The following CNTFR variants were observed in gnomAD, a reference collection of about 807,000 sequenced individuals.
CNTFR encodes the protein ciliary neurotrophic factor receptor.
In CNTFR, 12 loss-of-function variants were observed where a neutral mutation model predicts 40.4. The observed-to-expected ratio is 0.30, with a 90% confidence interval of 0.19 to 0.48. The LOEUF (loss-of-function observed/expected upper bound fraction) is 0.48. Ranked by LOEUF, CNTFR falls within the 20% of genes least tolerant of loss-of-function variation. The pLI, the probability that CNTFR is intolerant of heterozygous loss-of-function variation, is 0.99. For synonymous variants in CNTFR, 202 were observed against 209.6 expected (o/e 0.96, Z 0.31); for missense variants, 414 against 506.8 (o/e 0.82, Z 1.76).
intron 2 of CNTFR, among the ~76,000 whole-genome samples, chr9:34,577,947 G>GGCGA (rs1214614598): frequency 2.0e-5 from 3 of 151,180 alleles, no homozygotes; most frequent in African/African-American, 7.3e-5. Flanking sequence ...CTGGCGGGCG[G>GGCGA]GCGAGCGCGG....
chr9:34,561,341 G>T (rs116741391), intron 4 of CNTFR, among the ~76,000 whole-genome samples: 2,096 of 152,330 alleles, frequency 0.014, 57 homozygotes, highest in African/African-American at 0.048. Flanking sequence ...TAAAAAACTG[G>T]AGAAGGAACT....
intron 2 of CNTFR, among the ~76,000 whole-genome samples, chr9:34,573,329 C>A (rs930167751): frequency 6.6e-6 from 1 of 152,180 alleles, no homozygotes; most frequent in African/African-American, 2.4e-5. Flanking sequence ...ATGAGCACCA[C>A]TAACTGCGTC....
intron 4 of CNTFR, among the ~76,000 whole-genome samples, chr9:34,561,710 G>A (rs1414894601): frequency 6.6e-6 from 1 of 152,180 alleles, no homozygotes; most frequent in Non-Finnish European, 1.5e-5. Flanking sequence ...CACAAATCAG[G>A]GGTAACTCTG....
Position 34,551,738 on chromosome 9 carries a change from A to C in CNTFR, c.*333T>G. On this transcript the variant is annotated 3_prime_UTR_variant, in exon 10 of 10. Transcript: ENST00000378980. ...ACAGGAGGCTGGGGCAGGAGGAGAA[A>C]TCGGATGTGAGAGGCTCCCCTCACG... 1.9e-6 allele frequency: 1 copy of C among 513,996 alleles called. No homozygotes were observed. The allele number at this position is 513,996 out of a possible 1,614,324, so 31.8% of individuals were successfully genotyped here. A position where few individuals can be genotyped will look rare whatever the true frequency, so the allele number is the denominator to read the frequency against.
intron 2 of CNTFR, among the ~76,000 whole-genome samples, chr9:34,574,077 G>T (rs1018363169): frequency 6.6e-6 from 1 of 151,922 alleles, no homozygotes; most frequent in Non-Finnish European, 1.5e-5. Flanking sequence ...GGCCTAGGCA[G>T]CCTGGACAGC....
At chr9:34,588,558 C>G (rs1827634651) in intron 1 of CNTFR, among the ~76,000 whole-genome samples, 1 of 152,204 alleles carries the variant, frequency 6.6e-6, no homozygotes, top group Non-Finnish European at 1.5e-5. Context: ...CAGACACACA[C>G]CCAATGTTGC....
In CNTFR at chr9:34,552,264, C is replaced by T. The variant is rs1260415459; in HGVS notation, c.1015G>A (p.Glu339Lys). The stretch of plus-strand genomic sequence containing the variant: ...GAGGGTCCCCCGCCGCTGCCCAGCT[C>T]CCCAGGGTCACAGATCTTCGTGGTA... ...PPTTKICDPG[E>K]LGSGGGPSAP... Residue 339 changes from glutamate (E) to lysine (K), a missense_variant, in exon 9 of 10, where the codon GAG becomes AAG. Glu to Lys is a moderately conservative substitution (Grantham distance 56, BLOSUM62 1). Around this residue, in one of 3 missense-constraint regions of CNTFR, gnomAD observed 81 missense variants for 92.2 expected, o/e 0.88. Transcript: ENST00000378980. This position sits in a 1 kb window ranked among gnomAD's most constrained non-coding sequence, Gnocchi z 5.1. 2 of 1,551,084 alleles carry T rather than the reference C, an allele frequency of 1.3e-6. No individual in the cohort carries two copies. The highest frequency in any genetic ancestry group is 2.4e-5 in the East Asian group (1 of 41,350).
At chr9:34,556,559 A>AGAATTGAC in intron 6 of CNTFR, 141 bp from the exon 7 acceptor site, 1 of 758,260 alleles carries the variant, frequency 1.3e-6, no homozygotes, top group Non-Finnish European at 2.1e-6. Flanking sequence ...CTCTGTTGTC[A>AGAATTGAC]ATTCTGATAA....
chr9:34,580,411 G>A (rs1272661695), intron 2 of CNTFR, among the ~76,000 whole-genome samples: 1 of 152,084 alleles, frequency 6.6e-6, no homozygotes, highest in Non-Finnish European at 1.5e-5. Flanking sequence ...GTCAGCCTGG[G>A]GTACCCCACT....
At chr9:34,573,609 C>T (rs1245335894) in intron 2 of CNTFR, among the ~76,000 whole-genome samples, 3 of 152,192 alleles carry the variant, frequency 2.0e-5, no homozygotes, top group African/African-American at 4.8e-5. Flanking sequence ...GAAGGGCATC[C>T]GGCCCAGCAC....
chr9:34,576,531 C>CTAGG, intron 2 of CNTFR, among the ~76,000 whole-genome samples: 1 of 152,316 alleles, frequency 6.6e-6, no homozygotes, highest in Non-Finnish European at 1.5e-5. Flanking sequence ...GACAGAAAGC[C>CTAGG]TAGGGATGCC....
upstream of CNTFR, chr9:34,589,825 C>T (rs1327571240): frequency 6.8e-6 from 1 of 147,828 alleles, no homozygotes; most frequent in African/African-American, 2.5e-5. This position sits in a 1 kb window ranked among gnomAD's most constrained non-coding sequence, Gnocchi z 4.4. Flanking sequence ...CGGGCGCCCG[C>T]TCGGCCGCGC....
At chr9:34,555,913 T>G (rs1026711868) in intron 7 of CNTFR, among the ~76,000 whole-genome samples, 1 of 23,616 alleles carries the variant, frequency 4.2e-5, no homozygotes, top group Admixed American at 5.3e-4. Context: ...GCCATCTCCC[T>G]CCCCTGCCAT....
In CNTFR at chr9:34,568,928, TGCG is replaced by T. The variant is rs370378077; in HGVS notation, c.51_53del (p.Ala18del). 2.5e-4 allele frequency: 392 copies of T among 1,598,798 alleles called. 1 individual carries two copies. In the African/African-American group the frequency reaches 4.4e-3, roughly 18 times the overall value. ...GACTGTGTCTCTGGGCGTAGACAACTGCGGCGGCGGCGGCAAGCACAGCACAGC... is the reference window on the plus strand; with the variant it reads ...GACTGTGTCTCTGGGCGTAGACAACTGCGGCGGCGGCAAGCACAGCACAGC... On this transcript the variant is annotated inframe_deletion, in exon 3 of 10. Coordinates refer to ENST00000378980, the MANE Select transcript of CNTFR (RefSeq NM_147164.3).
chr9:34,554,875 C>G (rs1352133658), intron 7 of CNTFR, among the ~76,000 whole-genome samples: 2 of 152,240 alleles, frequency 1.3e-5, no homozygotes, highest in Non-Finnish European at 2.9e-5. Context: ...ACCCCAGTGC[C>G]AGTGAGTCAC....
chr9:34,551,704 C>G lies in CNTFR; in HGVS notation c.*367G>C. On this transcript the variant is annotated 3_prime_UTR_variant, in exon 10 of 10. Coordinates refer to ENST00000378980, the MANE Select transcript of CNTFR (RefSeq NM_147164.3). ...TAATCTGATGGTGGCAACAGAGACCCTGGGATAGACAGGAGGCTGGGGCAG... is the reference window on the plus strand; with the variant it reads ...TAATCTGATGGTGGCAACAGAGACCGTGGGATAGACAGGAGGCTGGGGCAG... 1 of 451,366 alleles carries G rather than the reference C, an allele frequency of 2.2e-6. No individual in the cohort carries two copies. Among genetic ancestry groups the G allele is most frequent in the Non-Finnish European group, 4.1e-6 (1 of 244,882 alleles). 28.0% of individuals were successfully genotyped at this position (451,366 alleles called of 1,614,324 possible). A position where few individuals can be genotyped will look rare whatever the true frequency, so the allele number is the denominator to read the frequency against.
At chr9:34,579,847 T>G (rs555525269) in intron 2 of CNTFR, among the ~76,000 whole-genome samples, 1 of 151,408 alleles carries the variant, frequency 6.6e-6, no homozygotes, top group Admixed American at 6.6e-5. Flanking sequence ...TGGGGGAGGG[T>G]GAACAGAACT....
At chr9:34,587,790 TTCTGGGTGTGAGC>T (rs1299212756) in intron 1 of CNTFR, among the ~76,000 whole-genome samples, 1 of 152,062 alleles carries the variant, frequency 6.6e-6, no homozygotes, top group Non-Finnish European at 1.5e-5. Context: ...CCCAGTGAGA[TTCTGGGTGTGAGC>T]TCTAGGTCTC....
intron 3 of CNTFR, 107 bp from the exon 4 acceptor site, chr9:34,564,939 CG>C: frequency 1.1e-6 from 1 of 874,572 alleles, no homozygotes; most frequent in Non-Finnish European, 1.8e-6. Flanking sequence ...TGAGTGAGGA[CG>C]AGAGGCTCGG....
Sources: gnomAD v4.1 joint callset for allele counts (sites outside exome capture counted in the v4.1 genomes callset) on GRCh38, gnomAD v4.1.1 for gene constraint, gnomAD v4.1.1 regional missense constraint, Gnocchi (gnomAD v3.1) non-coding constraint, MANE v1.5 for transcripts, NCBI Gene and HGNC (gene_info 2026-07-23, HGNC 2026-07-21) for gene names.